CDH8: variants seen among roughly 807,000 people sequenced by gnomAD.
The protein encoded by CDH8 is cadherin 8.
Under a neutral mutation model 68.1 loss-of-function variants are expected in CDH8, and 17 were observed. That is an observed-to-expected ratio of 0.25 (90% CI 0.17 to 0.37). The LOEUF is 0.37. CDH8 is among the 10% of genes least tolerant of loss of function. The probability of loss-of-function intolerance (pLI) is 1.00; values close to 1 mark genes in which losing one functional copy is unlikely to be tolerated. For synonymous variants in CDH8, 372 were observed against 365.1 expected (o/e 1.02, Z -0.21); for missense variants, 763 against 999.3 (o/e 0.76, Z 3.19).
chr16:61,829,638 C>T (rs1962414275), intron 4 of CDH8, among the ~76,000 whole-genome samples: 1 of 151,868 alleles, frequency 6.6e-6, no homozygotes, highest in Non-Finnish European at 1.5e-5. Flanking sequence ...TGGGAAGCTG[C>T]ACCTCTGAGA....
chr16:61,816,915 G>C (rs912331271), intron 7 of CDH8, among the ~76,000 whole-genome samples: 12 of 152,192 alleles, frequency 7.9e-5, no homozygotes, highest in African/African-American at 2.9e-4. Flanking sequence ...TTATCTAGGA[G>C]ACACCAAACC....
chr16:61,942,314 G>A (rs950794807), intron 2 of CDH8, among the ~76,000 whole-genome samples: 12 of 152,008 alleles, frequency 7.9e-5, no homozygotes, highest in Non-Finnish European at 1.5e-4. Flanking sequence ...GCAATGTCAT[G>A]AGACCTCACC....
chr16:61,702,005 G>C lies in CDH8; in HGVS notation c.1654+11836C>G, dbSNP rs960372590. Among the ~76,000 whole-genome samples, 3 of 152,096 alleles carry C rather than the reference G, an allele frequency of 2.0e-5. No individual in the cohort carries two copies. The South Asian group carries it at 6.2e-4, about 32-fold the overall frequency. On this transcript the variant is annotated intron_variant, in intron 10 of 11. Transcript: ENST00000577390. ...CTATACCTTCGTTAAATTTAGAACG[G>C]AAAGTTGTGCGAGGTTGAGTCAGGA...
chr16:61,768,703 C>T (rs930627407), intron 8 of CDH8, among the ~76,000 whole-genome samples: 1 of 151,514 alleles, frequency 6.6e-6, no homozygotes, highest in African/African-American at 2.4e-5. Flanking sequence ...CTAATTACTC[C>T]ATACCAAGAA....
chr16:61,862,141 A>T (rs986399959), intron 3 of CDH8, among the ~76,000 whole-genome samples: 2 of 138,520 alleles, frequency 1.4e-5, no homozygotes, highest in Non-Finnish European at 1.6e-5. Flanking sequence ...CCACTCACAC[A>T]CACACACACA....
rs928222579 is a variant in CDH8 at position 61,923,849 on chromosome 16, A to C, written c.253-22376T>G. ...ATATGTGATGTATATATTTGTGTAT[A>C]TATTTAAATATATTATATATTTACT... On this transcript the variant is annotated intron_variant, in intron 2 of 11. Transcript: ENST00000577390. Among the ~76,000 whole-genome samples, 7 of 147,624 alleles carry C rather than the reference A, an allele frequency of 4.7e-5. No individual in the cohort carries two copies. The East Asian group carries it at 1.4e-3, about 29-fold the overall frequency.
At chr16:61,755,476 A>G (rs188805873) in intron 8 of CDH8, among the ~76,000 whole-genome samples, 26 of 152,242 alleles carry the variant, frequency 1.7e-4, no homozygotes, top group African/African-American at 6.0e-4. Flanking sequence ...ATAATTTTAT[A>G]CTGTTACTTT....
chr16:61,793,213 T>C (rs1013468205), intron 7 of CDH8, among the ~76,000 whole-genome samples: 13 of 151,814 alleles, frequency 8.6e-5, no homozygotes, highest in Non-Finnish European at 1.8e-4. Context: ...ATCTTGGACT[T>C]CCCAACTTTC....
At chr16:61,689,945 C>T (rs1248947268) in intron 10 of CDH8, among the ~76,000 whole-genome samples, 3 of 151,908 alleles carry the variant, frequency 2.0e-5, no homozygotes, top group African/African-American at 4.8e-5. Context: ...TTCTAAAAGC[C>T]ACTGATTTAG....
At chr16:61,930,671 T>A (rs1964527936) in intron 2 of CDH8, among the ~76,000 whole-genome samples, 2 of 152,196 alleles carry the variant, frequency 1.3e-5, no homozygotes, top group Admixed American at 6.5e-5. Flanking sequence ...ACCCTTTATT[T>A]CATAAAAATA....
chr16:61,828,629 ATGTACT>A (rs1962393260), intron 4 of CDH8, among the ~76,000 whole-genome samples: 1 of 151,850 alleles, frequency 6.6e-6, no homozygotes, highest in Non-Finnish European at 1.5e-5. Flanking sequence ...ATTGAAAAAA[ATGTACT>A]TGTAAGTGGA....
chr16:61,944,587 CAT>C (rs1964772412), intron 2 of CDH8, among the ~76,000 whole-genome samples: 1 of 152,102 alleles, frequency 6.6e-6, no homozygotes, highest in Admixed American at 6.5e-5. Context: ...GAGAATTAAA[CAT>C]ATTAAATCAG....
intron 2 of CDH8, among the ~76,000 whole-genome samples, chr16:61,947,328 A>G (rs1429073245): frequency 6.6e-4 from 101 of 152,220 alleles, no homozygotes; most frequent in Admixed American, 6.6e-3. Flanking sequence ...GTGTCAAAGA[A>G]AATGTTGAAC....
chr16:61,757,404 A>G (rs759147704), intron 8 of CDH8, among the ~76,000 whole-genome samples: 1 of 152,122 alleles, frequency 6.6e-6, no homozygotes, highest in Admixed American at 6.6e-5. Flanking sequence ...ACTTAATGAT[A>G]AAATATTATC....
At chr16:61,960,320 C>CGTGTGTGTGTATACACACATATACAT (rs1965119989) in intron 2 of CDH8, among the ~76,000 whole-genome samples, 1 of 57,270 alleles carries the variant, frequency 1.7e-5, no homozygotes, top group Non-Finnish European at 2.9e-5. Context: ...CACATATATA[C>CGTGTGTGTGTATACACACATATACAT]GTGTGTGTGT....
intron 2 of CDH8, among the ~76,000 whole-genome samples, chr16:61,952,659 G>C (rs1370582691): frequency 6.6e-6 from 1 of 152,162 alleles, no homozygotes; most frequent in Non-Finnish European, 1.5e-5. Flanking sequence ...TGTTGAAGAG[G>C]TTGCATGATC....
intron 8 of CDH8, among the ~76,000 whole-genome samples, chr16:61,765,926 T>C (rs962947960): frequency 2.6e-5 from 4 of 152,092 alleles, no homozygotes; most frequent in African/African-American, 9.6e-5. Context: ...CACCAGGTGC[T>C]AGCTCAGTGA....
At chr16:61,929,636 C>T (rs955369835) in intron 2 of CDH8, among the ~76,000 whole-genome samples, 4 of 152,016 alleles carry the variant, frequency 2.6e-5, no homozygotes, top group Non-Finnish European at 4.4e-5. Context: ...ATCTGCAATC[C>T]GCCACTTTGG....
At chr16:61,879,172 C>T (rs1297908523) in intron 3 of CDH8, among the ~76,000 whole-genome samples, 1 of 152,088 alleles carries the variant, frequency 6.6e-6, no homozygotes, top group Admixed American at 6.6e-5. Flanking sequence ...ATGCTCTTAC[C>T]TCTGATGACA....
Sources: gnomAD v4.1 joint callset for allele counts (sites outside exome capture counted in the v4.1 genomes callset) on GRCh38, gnomAD v4.1.1 for gene constraint, MANE v1.5 for transcripts, NCBI Gene and HGNC (gene_info 2026-07-23, HGNC 2026-07-21) for gene names.